The following NHS variants were observed in gnomAD, a reference collection of about 807,000 sequenced individuals.
The protein encoded by NHS is NHS actin remodeling regulator, also known as actin remodeling regulator NHS.
Under a neutral mutation model 72.5 loss-of-function variants are expected in NHS, and 5 were observed. The ratio of observed to expected loss-of-function variants is 0.07; its 90% CI spans 0.04 to 0.14. NHS has a LOEUF of 0.14. NHS is among the 10% of genes least tolerant of loss of function. The pLI is 1.00. For missense variants in NHS, 1,072 were observed against 1,355.7 expected (o/e 0.79, Z 3.29); for synonymous variants, 464 against 547.7 (o/e 0.85, Z 2.13).
In NHS at chrX:17,513,902, G is replaced by A. The variant is rs187512737; in HGVS notation, c.565+137580G>A. ...TGCTGATAAAGATATACCCAAGGCC[G>A]GGCAATTTACAAAAGAAAGAGGTTT... On this transcript the variant is annotated intron_variant, in intron 1 of 8. Transcript: ENST00000676302. 6.4e-3 allele frequency among the ~76,000 whole-genome samples: 721 copies of A among 111,798 alleles called. 6 individuals are homozygous for A. The highest frequency in any genetic ancestry group is 0.01 in the Non-Finnish European group (554 of 53,161).
intron 1 of NHS, among the ~76,000 whole-genome samples, chrX:17,625,162 A>G (rs1021126277): frequency 1.8e-5 from 2 of 111,570 alleles, no homozygotes; most frequent in African/African-American, 6.5e-5. Flanking sequence ...CAATGAGAAG[A>G]ATGGCTTTCT....
intron 1 of NHS, among the ~76,000 whole-genome samples, chrX:17,411,927 A>G (rs1468527909): frequency 9.0e-6 from 1 of 111,466 alleles, no homozygotes; most frequent in Non-Finnish European, 1.9e-5. Flanking sequence ...GTATTTCACA[A>G]TGGTATTAGA....
At chrX:17,661,616 T>C (rs745771708) in intron 1 of NHS, among the ~76,000 whole-genome samples, 2 of 111,808 alleles carry the variant, frequency 1.8e-5, no homozygotes, top group African/African-American at 6.5e-5. Flanking sequence ...GTTCAATCCA[T>C]TGGGACTCCA....
In NHS at chrX:17,728,322, T is replaced by C. The variant is rs1569321033; in HGVS notation, c.4216T>C (p.Leu1406=). 2.5e-6 allele frequency: 3 copies of C among 1,209,204 alleles called. No individual in the cohort carries two copies. Among genetic ancestry groups the C allele is most frequent in the Non-Finnish European group, 3.4e-6 (3 of 893,119 alleles). Reference sequence around the variant, plus strand: ...CCAAGGAAATGTGGATGAGGCTTCATTGAAAGGTCAGTCACTGATAACTTT... The same window carrying C: ...CCAAGGAAATGTGGATGAGGCTTCACTGAAAGGTCAGTCACTGATAACTTT... The part of the protein sequence containing the change: ...ETQGNVDEAS[L]KESSPSDDSI... Residue 1406 remains leucine, a synonymous_variant, in exon 7 of 9, where the codon TTG becomes CTG. Coordinates refer to ENST00000676302, the MANE Select transcript of NHS (RefSeq NM_001291867.2).
At chrX:17,620,430 T>C (rs1299954251) in intron 1 of NHS, among the ~76,000 whole-genome samples, 1 of 111,867 alleles carries the variant, frequency 8.9e-6, no homozygotes. Context: ...GTGCATTCAT[T>C]TGATGAACAT....
Position 17,550,897 on chromosome X carries a change from C to T in NHS, c.566-136845C>T, listed in dbSNP as rs181310774. On this transcript the variant is annotated intron_variant, in intron 1 of 8. Coordinates refer to ENST00000676302, the MANE Select transcript of NHS (RefSeq NM_001291867.2). ...CTGGCCCACTGTATCTGCTACCATT[C>T]ACCCCATCTGCACAGCTCTATGCAG... Among the ~76,000 whole-genome samples the T allele has an allele frequency of 2.1e-3, 239 of 111,676 alleles. 3 individuals are homozygous for T. Among genetic ancestry groups the T allele is most frequent in the Admixed American group, 0.019 (204 of 10,556 alleles).
chrX:17,719,954 T>TTC (rs1295865674), intron 4 of NHS, among the ~76,000 whole-genome samples: 29 of 108,007 alleles, frequency 2.7e-4, no homozygotes, highest in Admixed American at 2.7e-3. Context: ...GTCTCCCTCT[T>TTC]TCTCTCTCTC....
chrX:17,532,658 C>T (rs777229571), intron 1 of NHS, among the ~76,000 whole-genome samples: 42 of 111,688 alleles, frequency 3.8e-4, no homozygotes, highest in Non-Finnish European at 6.6e-4. Context: ...AAAATGCCAA[C>T]ATTATTGGAA....
In NHS at chrX:17,508,432, G is replaced by T. The variant is rs747615927; in HGVS notation, c.565+132110G>T. On this transcript the variant is annotated intron_variant, in intron 1 of 8. Transcript: ENST00000676302. ...CTTTTTATGGCAGAATAACGTTCCA[G>T]TGTATGGATATACCACCTTTTGTTT... Among the ~76,000 whole-genome samples, 7 of 111,414 alleles carry T rather than the reference G, an allele frequency of 6.3e-5. No individual in the cohort carries two copies. In the South Asian group the frequency reaches 2.7e-3, roughly 43 times the overall value.
At chrX:17,598,290 CAAG>C (rs1464340227) in intron 1 of NHS, among the ~76,000 whole-genome samples, 1 of 112,102 alleles carries the variant, frequency 8.9e-6, no homozygotes, top group Non-Finnish European at 1.9e-5. Context: ...GACTCCAAGT[CAAG>C]AAGAACAGAA....
At chrX:17,712,947 AC>A (rs1404167934) in intron 3 of NHS, among the ~76,000 whole-genome samples, 1 of 111,357 alleles carries the variant, frequency 9.0e-6, no homozygotes, top group African/African-American at 3.3e-5. Flanking sequence ...ACTTCTGCCT[AC>A]CTCTTCATTG....
chrX:17,643,601 G>T (rs2065892401), intron 1 of NHS, among the ~76,000 whole-genome samples: 1 of 111,968 alleles, frequency 8.9e-6, no homozygotes, highest in African/African-American at 3.2e-5. Flanking sequence ...AGAGCCAATA[G>T]TGTCCTGTGT....
intron 1 of NHS, among the ~76,000 whole-genome samples, chrX:17,423,984 C>T (rs1383012839): frequency 8.9e-6 from 1 of 112,243 alleles, no homozygotes; most frequent in East Asian, 2.8e-4. Flanking sequence ...TTGCTACTAA[C>T]TTGGCTTATC....
chrX:17,518,304 G>A (rs2146934854), intron 1 of NHS, among the ~76,000 whole-genome samples: 1 of 112,288 alleles, frequency 8.9e-6, no homozygotes, highest in South Asian at 3.7e-4. Flanking sequence ...CAAAGATGGG[G>A]ATGTGTCAAC....
chrX:17,669,706 C>T (rs539937875), intron 1 of NHS, among the ~76,000 whole-genome samples: 5 of 111,757 alleles, frequency 4.5e-5, no homozygotes, highest in East Asian at 5.7e-4. Context: ...GGAGAAAGTG[C>T]GGTTCAGGGA....
intron 1 of NHS, among the ~76,000 whole-genome samples, chrX:17,462,226 A>G (rs767652558): frequency 9.0e-5 from 10 of 111,640 alleles, no homozygotes; most frequent in Non-Finnish European, 1.7e-4. Context: ...TTTAAGTACT[A>G]TATATATATT....
At chrX:17,643,815 A>G (rs1381178637) in intron 1 of NHS, among the ~76,000 whole-genome samples, 1 of 112,185 alleles carries the variant, frequency 8.9e-6, no homozygotes, top group East Asian at 2.8e-4. Context: ...ATAAAAGGTG[A>G]TGGATTAACA....
intron 1 of NHS, among the ~76,000 whole-genome samples, chrX:17,512,019 A>G (rs1054545161): frequency 8.9e-6 from 1 of 111,975 alleles, no homozygotes; most frequent in African/African-American, 3.2e-5. Context: ...CAGTGGGATT[A>G]AACTCTAGTC....
chrX:17,414,938 A>G (rs2146861412), intron 1 of NHS, among the ~76,000 whole-genome samples: 1 of 111,297 alleles, frequency 9.0e-6, no homozygotes, highest in East Asian at 2.9e-4. Flanking sequence ...GCAGAAGAGA[A>G]AATGGTGAGG....
Sources: allele counts gnomAD v4.1 joint callset (sites outside exome capture counted in the v4.1 genomes callset), GRCh38; gene constraint gnomAD v4.1.1; transcripts MANE v1.5; gene names NCBI Gene and HGNC (gene_info 2026-07-23, HGNC 2026-07-21).